SNX18: variants seen among roughly 807,000 people sequenced by gnomAD.
SNX18 encodes sorting nexin 18, also known as sorting nexin-18.
SNX18 carries 35 observed loss-of-function variants against 48.7 expected under a neutral mutation model. That is an observed-to-expected ratio of 0.72 (90% confidence interval 0.55 to 0.95). SNX18 has a LOEUF of 0.95. Ranked by LOEUF, SNX18 falls within the 40% of genes least tolerant of loss-of-function variation. SNX18 has a pLI of 0.00. For synonymous variants in SNX18, 492 were observed against 384.7 expected (o/e 1.28, Z -3.26); for missense variants, 824 against 871.0 (o/e 0.95, Z 0.68).
chr5:54,538,591 T>A (rs1181759841), intron 1 of SNX18, among the ~76,000 whole-genome samples: 1 of 152,222 alleles, frequency 6.6e-6, no homozygotes, highest in Non-Finnish European at 1.5e-5. Context: ...ATGAATTTTT[T>A]AAAAAACAAA....
chr5:54,573,230 T>G, the SNX18 span, among the ~76,000 whole-genome samples: 1 of 152,212 alleles, frequency 6.6e-6, no homozygotes, highest in African/African-American at 2.4e-5. Flanking sequence ...GCATTGTAAC[T>G]AGGGCAGACG....
chr5:54,524,979 G>A (rs551536588), intron 1 of SNX18, among the ~76,000 whole-genome samples: 3 of 152,266 alleles, frequency 2.0e-5, no homozygotes, highest in Non-Finnish European at 4.4e-5. Context: ...AGCTGTGCCA[G>A]TGAAGGGGCA....
the SNX18 span, among the ~76,000 whole-genome samples, chr5:54,643,041 CT>C: frequency 6.6e-6 from 1 of 152,092 alleles, no homozygotes; most frequent in South Asian, 2.1e-4. Context: ...TGCTGCCAGT[CT>C]CATGATCTCT....
At chr5:54,635,697 T>C in the SNX18 span, among the ~76,000 whole-genome samples, 1 of 152,304 alleles carries the variant, frequency 6.6e-6, no homozygotes, top group East Asian at 1.9e-4. Flanking sequence ...GAGGTACTCA[T>C]ATACCAACTA....
the SNX18 span, among the ~76,000 whole-genome samples, chr5:54,590,795 C>T: frequency 6.6e-6 from 1 of 152,158 alleles, no homozygotes; most frequent in African/African-American, 2.4e-5. Context: ...AGTGTGTAAT[C>T]CGTTGCTTGC....
chr5:54,587,736 A>G, the SNX18 span, among the ~76,000 whole-genome samples: 1 of 152,162 alleles, frequency 6.6e-6, no homozygotes, highest in Admixed American at 6.5e-5. Context: ...GGGGTACAGC[A>G]CCATTGCTTT....
At chr5:54,624,042 G>T in the SNX18 span, among the ~76,000 whole-genome samples, 16 of 152,244 alleles carry the variant, frequency 1.1e-4, no homozygotes, top group Admixed American at 7.8e-4. Flanking sequence ...TTTATGGAAG[G>T]ATTACAGCTA....
At chr5:54,564,914 G>A in the SNX18 span, among the ~76,000 whole-genome samples, 1 of 152,156 alleles carries the variant, frequency 6.6e-6, no homozygotes, top group Non-Finnish European at 1.5e-5. Flanking sequence ...TTGTTGGTCC[G>A]AATTCATGTG....
the SNX18 span, among the ~76,000 whole-genome samples, chr5:54,616,269 T>C: frequency 6.6e-6 from 1 of 152,192 alleles, no homozygotes; most frequent in African/African-American, 2.4e-5. Context: ...TAGGTTGCAA[T>C]CATCCGCACA....
rs1761891051 is a variant in SNX18 at position 54,517,772 on chromosome 5, A to AAGTGGAGGCGCTGCG, written c.-178_-164dup. ...GCCCAGCGCGGCAGTCGGCGCTGCG[A>AAGTGGAGGCGCTGCG]AGTGGAGGCGCTGCGAGCGGAGCCG... is the stretch of plus-strand genomic sequence containing the variant. On this transcript the variant is annotated 5_prime_UTR_variant, in exon 1 of 2. Coordinates refer to ENST00000381410, the MANE Select transcript of SNX18 (RefSeq NM_001102575.2). The AAGTGGAGGCGCTGCG allele has an allele frequency of 2.3e-6, 1 of 443,058 alleles. No individual in the cohort carries two copies. Among genetic ancestry groups the AAGTGGAGGCGCTGCG allele is most frequent in the South Asian group, 1.1e-4 (1 of 9,292 alleles). The allele number at this position is 443,058 out of a possible 1,614,324, so 27.4% of individuals were successfully genotyped here. A position where few individuals can be genotyped will look rare whatever the true frequency, so the allele number is the denominator to read the frequency against.
At chr5:54,631,681 A>C in the SNX18 span, among the ~76,000 whole-genome samples, 175 of 152,360 alleles carry the variant, frequency 1.1e-3, no homozygotes, top group Non-Finnish European at 2.1e-3. Flanking sequence ...TCAATAAACC[A>C]GGTGACAATC....
the SNX18 span, among the ~76,000 whole-genome samples, chr5:54,609,668 G>A: frequency 6.6e-6 from 1 of 152,034 alleles, no homozygotes; most frequent in Non-Finnish European, 1.5e-5. Context: ...AAATGCCAAG[G>A]ATTTGGCTAC....
At chr5:54,550,316 G>A (rs1762630933), downstream of SNX18, among the ~76,000 whole-genome samples, 3 of 152,076 alleles carry the variant, frequency 2.0e-5, no homozygotes, top group African/African-American at 7.2e-5. Context: ...TTGCTTTTTA[G>A]TGGCTCCTAT....
the SNX18 span, among the ~76,000 whole-genome samples, chr5:54,582,851 G>C: frequency 6.6e-6 from 1 of 152,098 alleles, no homozygotes; most frequent in African/African-American, 2.4e-5. Flanking sequence ...GACTTTAAAA[G>C]AAGCAAACCA....
At chr5:54,561,801 C>T in the SNX18 span, among the ~76,000 whole-genome samples, 1 of 152,298 alleles carries the variant, frequency 6.6e-6, no homozygotes, top group East Asian at 1.9e-4. Context: ...TGAACATATG[C>T]AGGGCCTTTT....
chr5:54,536,278 C>T lies in SNX18; in HGVS notation c.1622-6901C>T, dbSNP rs542834943. Among the ~76,000 whole-genome samples the T allele has an allele frequency of 5.9e-5, 9 of 152,142 alleles. No homozygotes were observed. The South Asian group carries it at 1.5e-3, about 25-fold the overall frequency. ...TAAGTTCTAGGGTACATGTGCACAG[C>T]GTGCAGGTTTGTTACATATGTATAC... On this transcript the variant is annotated intron_variant, in intron 1 of 1. Transcript: ENST00000381410.
the SNX18 span, among the ~76,000 whole-genome samples, chr5:54,635,011 AT>A: frequency 6.6e-6 from 1 of 152,066 alleles, no homozygotes; most frequent in South Asian, 2.1e-4. Flanking sequence ...AAATAATTTT[AT>A]AGTGATTCAT....
chr5:54,628,499 C>T, the SNX18 span, among the ~76,000 whole-genome samples: 1 of 152,136 alleles, frequency 6.6e-6, no homozygotes, highest in Non-Finnish European at 1.5e-5. Flanking sequence ...TCTTTAGTGC[C>T]TCCTTCATCA....
At chr5:54,546,979 A>G (rs904392601), downstream of SNX18, among the ~76,000 whole-genome samples, 10 of 152,224 alleles carry the variant, frequency 6.6e-5, no homozygotes, top group Non-Finnish European at 1.0e-4. Flanking sequence ...TAGCTACGGG[A>G]CCTGGCATAT....
Sources: gnomAD v4.1 joint callset for allele counts (sites outside exome capture counted in the v4.1 genomes callset) on GRCh38, gnomAD v4.1.1 for gene constraint, MANE v1.5 for transcripts, NCBI Gene and HGNC (gene_info 2026-07-23, HGNC 2026-07-21) for gene names.